IGSF11: variants seen among roughly 807,000 people sequenced by gnomAD.
IGSF11 encodes the protein immunoglobulin superfamily member 11.
Under a neutral mutation model 41.0 loss-of-function variants are expected in IGSF11, and 22 were observed. The ratio of observed to expected loss-of-function variants is 0.54; its 90% CI spans 0.38 to 0.77. IGSF11 has a LOEUF of 0.77. Among genes scored for constraint, IGSF11 ranks in the 30% least tolerant of loss-of-function variants. The pLI, the probability that IGSF11 is intolerant of heterozygous loss-of-function variation, is 0.00. For synonymous variants in IGSF11, 219 were observed against 201.3 expected, an observed-to-expected ratio of 1.09 and a Z score of -0.74; for missense variants, 444 against 530.8, an observed-to-expected ratio of 0.84 and a Z score of 1.61.
intron 4 of IGSF11, among the ~76,000 whole-genome samples, chr3:118,914,119 C>T (rs558269145): frequency 3.3e-5 from 5 of 149,770 alleles, no homozygotes; most frequent in South Asian, 2.1e-4. Context: ...AGAATAAGCA[C>T]GAAGAGAAAT....
upstream of IGSF11, among the ~76,000 whole-genome samples, chr3:119,108,901 G>C (rs879814263): frequency 7.2e-5 from 9 of 124,228 alleles, no homozygotes; most frequent in African/African-American, 2.1e-4. Flanking sequence ...TTATTGATTT[G>C]CATATATTGA....
intron 1 of IGSF11, among the ~76,000 whole-genome samples, chr3:118,976,273 G>A (rs1934090182): frequency 6.6e-6 from 1 of 152,198 alleles, no homozygotes; most frequent in African/African-American, 2.4e-5. Context: ...GTCCAAAAAT[G>A]AAGTCAATGT....
chr3:118,954,166 C>G (rs546324575), intron 1 of IGSF11, among the ~76,000 whole-genome samples: 1 of 152,088 alleles, frequency 6.6e-6, no homozygotes, highest in Non-Finnish European at 1.5e-5. Flanking sequence ...GTGTCCTTTC[C>G]CCACTTACTT....
intron 1 of IGSF11, among the ~76,000 whole-genome samples, chr3:118,946,496 C>T (rs992100369): frequency 4.6e-5 from 7 of 151,452 alleles, no homozygotes; most frequent in Non-Finnish European, 1.0e-4. Context: ...TCTTTTGAGG[C>T]CCAACAAACA....
At chr3:118,927,815 T>C (rs796603242) in intron 3 of IGSF11, among the ~76,000 whole-genome samples, 20 of 152,234 alleles carry the variant, frequency 1.3e-4, no homozygotes, top group African/African-American at 4.6e-4. Context: ...GACAGAAGAA[T>C]TGAAAAATAA....
chr3:118,943,985 T>C (rs1943915476), intron 1 of IGSF11, among the ~76,000 whole-genome samples: 1 of 152,246 alleles, frequency 6.6e-6, no homozygotes, highest in African/African-American at 2.4e-5. Flanking sequence ...AGGAAGGATG[T>C]TACATTCTGA....
intron 1 of IGSF11, among the ~76,000 whole-genome samples, chr3:118,974,053 G>A (rs79970009): frequency 2.8e-4 from 42 of 151,878 alleles, no homozygotes; most frequent in African/African-American, 9.7e-4. Flanking sequence ...CATGGCATAC[G>A]TTTACCTATG....
intron 1 of IGSF11, among the ~76,000 whole-genome samples, chr3:118,980,798 T>C (rs1463464007): frequency 1.3e-5 from 2 of 152,260 alleles, no homozygotes; most frequent in East Asian, 1.9e-4. Context: ...TCCATTAATA[T>C]GTACAAATAT....
At chr3:118,978,852 G>T (rs1302050822) in intron 1 of IGSF11, among the ~76,000 whole-genome samples, 1 of 152,174 alleles carries the variant, frequency 6.6e-6, no homozygotes, top group Non-Finnish European at 1.5e-5. Context: ...AGATACCAAT[G>T]TAAGGACACA....
chr3:119,101,594 T>A (rs2076941546), intron 1 of IGSF11, among the ~76,000 whole-genome samples: 1 of 152,216 alleles, frequency 6.6e-6, no homozygotes. Context: ...AATGTATCCT[T>A]CCTTCCCCTG....
chr3:118,930,248 T>C lies in IGSF11; in HGVS notation c.80A>G (p.Glu27Gly), dbSNP rs778987320. The change falls in exon 2 of 7, where the codon GAG becomes GGG. Residue 27 changes from glutamate to glycine, a missense_variant. Transcript: ENST00000393775. Reference sequence around the variant, plus strand: ...GGCCACCTGGATACTCCCAGGGCTCTCTGACACTTCCAGGGATGCTGCAAC... The same window carrying C: ...GGCCACCTGGATACTCCCAGGGCTCCCTGACACTTCCAGGGATGCTGCAAC... Reference protein sequence around the residue: ...HGVAASLEVSESPGSIQVARG... With the variant: ...HGVAASLEVSGSPGSIQVARG... 8.1e-6 allele frequency: 13 copies of C among 1,613,500 alleles called. No individual in the cohort carries two copies. The highest frequency in any genetic ancestry group is 1.7e-5 in the Admixed American group (1 of 59,954).
At chr3:119,095,392 G>A (rs1385017196) in intron 1 of IGSF11, among the ~76,000 whole-genome samples, 2 of 152,166 alleles carry the variant, frequency 1.3e-5, no homozygotes, top group Non-Finnish European at 1.5e-5. Flanking sequence ...TCTGTTACTT[G>A]ACATGGTACA....
chr3:118,950,888 A>G (rs956471401), intron 1 of IGSF11, among the ~76,000 whole-genome samples: 25 of 152,130 alleles, frequency 1.6e-4, no homozygotes, highest in Non-Finnish European at 1.2e-4. Flanking sequence ...GCTGCTTGGG[A>G]GCAGATTAAC....
intron 1 of IGSF11, among the ~76,000 whole-genome samples, chr3:119,087,422 A>C (rs1427069059): frequency 2.6e-5 from 4 of 151,606 alleles, no homozygotes; most frequent in African/African-American, 9.7e-5. Flanking sequence ...ACACACACAC[A>C]CCATAGAATA....
Position 119,074,148 on chromosome 3 carries a change from G to A in IGSF11, c.49+30996C>T, listed in dbSNP as rs114896945. ...ACAAAGATATTTGGAACCTAAACTTGACAATTGACCAAATGGACCTAACAG... is the reference window on the plus strand; with the variant it reads ...ACAAAGATATTTGGAACCTAAACTTAACAATTGACCAAATGGACCTAACAG... On this transcript the variant is annotated intron_variant, in intron 1 of 6. Coordinates refer to the IGSF11 transcript ENST00000354673. Among the ~76,000 whole-genome samples, 663 of 152,240 alleles carry A rather than the reference G, an allele frequency of 4.4e-3. 3 individuals are homozygous for A. The highest frequency in any genetic ancestry group is 7.2e-3 in the Non-Finnish European group (489 of 68,004).
chr3:118,962,212 G>A (rs1049341602), intron 1 of IGSF11, among the ~76,000 whole-genome samples: 2 of 152,118 alleles, frequency 1.3e-5, no homozygotes, highest in African/African-American at 2.4e-5. Context: ...ATTATTTTCT[G>A]AAATTTGTAG....
At chr3:119,095,206 G>A (rs2076830813) in intron 1 of IGSF11, among the ~76,000 whole-genome samples, 1 of 152,168 alleles carries the variant, frequency 6.6e-6, no homozygotes, top group African/African-American at 2.4e-5. Flanking sequence ...ATCTGAGAAT[G>A]TATAATCTTT....
intron 1 of IGSF11, among the ~76,000 whole-genome samples, chr3:119,057,210 A>G (rs575979228): frequency 3.3e-5 from 5 of 152,212 alleles, no homozygotes; most frequent in Non-Finnish European, 4.4e-5. Flanking sequence ...ACATGACTGT[A>G]TATCTAGAAA....
At chr3:118,994,988 AG>A (rs1936130425) in intron 1 of IGSF11, among the ~76,000 whole-genome samples, 1 of 152,192 alleles carries the variant, frequency 6.6e-6, no homozygotes. Context: ...AGCGGCTTGA[AG>A]GGCTGAAAGA....
Sources: allele counts gnomAD v4.1 joint callset (sites outside exome capture counted in the v4.1 genomes callset), GRCh38; gene constraint gnomAD v4.1.1; transcripts MANE v1.5; gene names NCBI Gene and HGNC (gene_info 2026-07-23, HGNC 2026-07-21).